The following ADGRG4 variants were observed in gnomAD, a reference collection of about 807,000 sequenced individuals.
ADGRG4 encodes G protein-coupled receptor 112.
ADGRG4 carries 122 observed loss-of-function variants against 126.2 expected under a neutral mutation model. The ratio of observed to expected loss-of-function variants is 0.97; its 90% CI spans 0.83 to 1.12. ADGRG4 has a LOEUF of 1.12. Among genes scored for constraint, ADGRG4 ranks in the 50% most tolerant of loss-of-function variants. ADGRG4 has a pLI of 0.00. For missense variants in ADGRG4, 2,481 were observed against 2,251.8 expected (o/e 1.10, Z -2.06); for synonymous variants, 943 against 838.7 (o/e 1.12, Z -2.15).
chrX:136,412,932 T>A (rs1196508329), intron 24 of ADGRG4, among the ~76,000 whole-genome samples: 1 of 111,849 alleles, frequency 8.9e-6, no homozygotes, highest in Non-Finnish European at 1.9e-5. Context: ...GATCTTCCAT[T>A]CAATTCAGGC....
At chrX:136,406,105 C>A in intron 23 of ADGRG4, 133 bp downstream of exon 23, 1 of 675,676 alleles carries the variant, frequency 1.5e-6, no homozygotes, top group Non-Finnish European at 2.2e-6. Flanking sequence ...ACAGCCCACT[C>A]TCTCTTGCTC....
At position 136,380,652 on chromosome X, in the gene ADGRG4, C is replaced by CTTCTTCTTCTTCTTCTTCT. The variant is rs1339324470; in HGVS notation, c.7777-7087_7777-7086insTCTTCTTCTTCTTCTTCTT. 9.3e-4 allele frequency among the ~76,000 whole-genome samples: 54 copies of CTTCTTCTTCTTCTTCTTCT among 58,306 alleles called. 1 individual carries two copies. The highest frequency in any genetic ancestry group is 1.9e-3 in the South Asian group (2 of 1,066). The allele number at this position is 58,306 out of a possible 115,157, so 50.6% of individuals were successfully genotyped here. On this transcript the variant is annotated intron_variant, in intron 15 of 25. Transcript: ENST00000394143. ...CTTCTTCTTCTTCTTCTTCTTCTTC[C>CTTCTTCTTCTTCTTCTTCT]TCCTCCTCCTCCTCCTCTTCCTCCT...
chrX:136,362,506 C>T (rs1024810694), intron 12 of ADGRG4, among the ~76,000 whole-genome samples: 2 of 111,919 alleles, frequency 1.8e-5, no homozygotes, highest in African/African-American at 3.2e-5. Flanking sequence ...ATGCCACTGT[C>T]GTGCTCCAGC....
chrX:136,338,910 C>T (rs1309622268), intron 5 of ADGRG4, among the ~76,000 whole-genome samples: 1 of 111,780 alleles, frequency 8.9e-6, no homozygotes, highest in African/African-American at 3.3e-5. Flanking sequence ...CTTCCAAATA[C>T]AACTTAATTT....
intron 23 of ADGRG4, among the ~76,000 whole-genome samples, chrX:136,408,685 A>G (rs766062333): frequency 1.8e-5 from 2 of 111,937 alleles, no homozygotes; most frequent in East Asian, 2.8e-4. Context: ...ACATAAGGGT[A>G]CATGTGTCTT....
chrX:136,378,247 C>T (rs2075239630), intron 15 of ADGRG4, among the ~76,000 whole-genome samples: 1 of 110,958 alleles, frequency 9.0e-6, no homozygotes, highest in African/African-American at 3.3e-5. Context: ...AGTTTTAAAA[C>T]TAGATATTCC....
chrX:136,349,807 C>A lies in ADGRG4; in HGVS notation c.6101C>A (p.Thr2034Lys), dbSNP rs911226626. 1 of 1,210,638 alleles carries A rather than the reference C, an allele frequency of 8.3e-7. No homozygotes were observed. The highest frequency in any genetic ancestry group is 1.7e-5 in the African/African-American group (1 of 57,587). The change falls in exon 6 of 26, where the codon ACA becomes AAA. Residue 2034 changes from threonine to lysine, a missense_variant. Transcript: ENST00000394143. ...SNAPHVMTSS[T>K]VEVSKSTFLT... Reference sequence around the variant, plus strand: ...GCCCCTCATGTTATGACTTCCTCTACAGTAGAGGTGTCAAAATCAACATTT... The same window carrying A: ...GCCCCTCATGTTATGACTTCCTCTAAAGTAGAGGTGTCAAAATCAACATTT...
rs1195235135 is a variant in ADGRG4, at chrX:136,349,713, A to G, written c.6007A>G (p.Lys2003Glu). Residue 2003 changes from lysine (K) to glutamate (E), a missense_variant, in exon 6 of 26, where the codon AAG (lysine) becomes GAG (glutamate). By Grantham distance (56) the Lys-to-Glu change is moderately conservative. Coordinates refer to ENST00000394143, the MANE Select transcript of ADGRG4 (RefSeq NM_153834.4). ...SGATSGSVIS[K>E]SPILTWLLSS... ...TGCCACTTCAGGATCTGTAATTTCA[A>G]AGTCACCCATTCTGACATGGCTCTT... 3 of 1,210,157 alleles carry G rather than the reference A, an allele frequency of 2.5e-6. No homozygotes were observed. The highest frequency in any genetic ancestry group is 3.4e-6 in the Non-Finnish European group (3 of 894,705).
intron 3 of ADGRG4, among the ~76,000 whole-genome samples, chrX:136,305,306 T>C (rs1332732134): frequency 8.9e-6 from 1 of 111,803 alleles, no homozygotes; most frequent in Non-Finnish European, 1.9e-5. Flanking sequence ...AGATATGAGA[T>C]GAAGAGGAAA....
At chrX:136,343,011 T>C (rs1226906530) in intron 5 of ADGRG4, among the ~76,000 whole-genome samples, 1 of 107,773 alleles carries the variant, frequency 9.3e-6, no homozygotes, top group Non-Finnish European at 1.9e-5. Context: ...CCAAGAGTAG[T>C]GGCAGACTAG....
intron 13 of ADGRG4, among the ~76,000 whole-genome samples, chrX:136,369,001 C>A (rs978683829): frequency 1.8e-5 from 2 of 111,655 alleles, no homozygotes; most frequent in Non-Finnish European, 3.8e-5. Context: ...GGGAGTACAG[C>A]CAACAGCTTC....
At chrX:136,354,223 TAGTC>T in intron 8 of ADGRG4, among the ~76,000 whole-genome samples, 1 of 111,860 alleles carries the variant, frequency 8.9e-6, no homozygotes, top group South Asian at 3.8e-4. Context: ...GTTATTGTCT[TAGTC>T]AGTTTTGAGT....
At chrX:136,334,854 T>C (rs750006207) in intron 5 of ADGRG4, among the ~76,000 whole-genome samples, 1 of 111,987 alleles carries the variant, frequency 8.9e-6, no homozygotes, top group African/African-American at 3.2e-5. Context: ...TCTGGACTAC[T>C]GCATAATCTG....
Position 136,345,880 on chromosome X carries a change from C to A in ADGRG4, c.2174C>A (p.Thr725Lys), listed in dbSNP as rs758468012. The change falls in exon 6 of 26, where the codon ACA (threonine) becomes AAA (lysine). Residue 725 changes from threonine to lysine, a missense_variant. Thr to Lys is a moderately conservative substitution (Grantham distance 78). Transcript: ENST00000394143. ...AATGATGCTACTACAGCCAGATATA[C>A]AACAGCTGTATCCAAATTGACATCA... ...TANDATTARY[T>K]TAVSKLTSPW... is the part of the protein sequence containing the mutation. 1.7e-6 allele frequency: 2 copies of A among 1,209,527 alleles called. No individual in the cohort carries two copies. The highest frequency in any genetic ancestry group is 2.2e-6 in the Non-Finnish European group (2 of 893,478).
chrX:136,346,275 G>A lies in ADGRG4; in HGVS notation c.2569G>A (p.Ala857Thr). 8.3e-7 allele frequency: 1 copy of A among 1,210,132 alleles called. No homozygotes were observed. Among genetic ancestry groups the A allele is most frequent in the South Asian group, 1.8e-5 (1 of 56,857 alleles). The part of the protein sequence containing the change: ...HYLMRKSTIA[A>T]VAEVSPFSTM... ...TCTTATGAGAAAATCAACTATAGCA[G>A]CAGTGGCTGAGGTTTCTCCATTTTC... Residue 857 changes from alanine (A) to threonine (T), a missense_variant, in exon 6 of 26, where the codon GCA becomes ACA. Ala to Thr is a moderately conservative substitution (Grantham distance 58). Transcript: ENST00000394143.
intron 15 of ADGRG4, among the ~76,000 whole-genome samples, chrX:136,376,668 G>T (rs1387107631): frequency 1.8e-5 from 2 of 108,584 alleles, no homozygotes; most frequent in Non-Finnish European, 3.8e-5. Flanking sequence ...GTATTGTATT[G>T]TATTGTATTG....
At chrX:136,319,754 CT>C (rs1306897006) in intron 4 of ADGRG4, among the ~76,000 whole-genome samples, 6 of 104,490 alleles carry the variant, frequency 5.7e-5, no homozygotes, top group African/African-American at 1.7e-4. Context: ...TATCTATCAT[CT>C]ATCTATTATC....
rs191161500 is a variant in ADGRG4, at chrX:136,353,905, G to A, written c.6887+504G>A. 6.3e-5 allele frequency among the ~76,000 whole-genome samples: 7 copies of A among 111,934 alleles called. No individual in the cohort carries two copies. In the East Asian group the frequency reaches 2.0e-3, roughly 32 times the overall value. On this transcript the variant is annotated intron_variant, in intron 8 of 25. Transcript: ENST00000394143. The stretch of plus-strand genomic sequence containing the variant: ...CAGTGAAATGGGCAGGCACTGAGTA[G>A]TATCATGGAAACTATGGCAAAGGCA...
rs150490632 is a variant in ADGRG4, at chrX:136,362,566, C to T, written c.7278-911C>T. 3.7e-3 allele frequency among the ~76,000 whole-genome samples: 410 copies of T among 111,596 alleles called. 1 individual carries two copies. The highest frequency in any genetic ancestry group is 9.3e-3 in the Middle Eastern group (2 of 215). Reference sequence around the variant, plus strand: ...CCAAACCCCTAAATATAGTCCAGACCGTAGGCTTCCTCTCCTGCTGTCTCA... The same window carrying T: ...CCAAACCCCTAAATATAGTCCAGACTGTAGGCTTCCTCTCCTGCTGTCTCA... On this transcript the variant is annotated intron_variant, in intron 12 of 25. Transcript: ENST00000394143.
Sources: gnomAD v4.1 joint callset for allele counts (sites outside exome capture counted in the v4.1 genomes callset) on GRCh38, gnomAD v4.1.1 for gene constraint, MANE v1.5 for transcripts, NCBI Gene and HGNC (gene_info 2026-07-23, HGNC 2026-07-21) for gene names.